TKTL1: variants seen among roughly 807,000 people sequenced by gnomAD.
TKTL1 encodes transketolase like 1, also known as transketolase-like protein 1.
Under a neutral mutation model 39.3 loss-of-function variants are expected in TKTL1, and 1 was observed. That is an observed-to-expected ratio of 0.03 (90% confidence interval 0.01 to 0.12). The LOEUF (loss-of-function observed/expected upper bound fraction) is 0.12. Ranked by LOEUF, TKTL1 falls within the 10% of genes least tolerant of loss-of-function variation. The pLI, the probability that TKTL1 is intolerant of heterozygous loss-of-function variation, is 1.00. For missense variants in TKTL1, 575 were observed against 509.6 expected, an observed-to-expected ratio of 1.13 and a Z score of -1.24; for synonymous variants, 262 against 193.8, an observed-to-expected ratio of 1.35 and a Z score of -2.92.
rs1223233989 is a variant in TKTL1 at position 154,323,230 on chromosome X, G to A, written c.1210G>A (p.Ala404Thr). The change falls in exon 9 of 13, where the codon GCC (alanine) becomes ACC (threonine). Residue 404 changes from alanine to threonine, a missense_variant. Coordinates refer to ENST00000369915, the MANE Select transcript of TKTL1 (RefSeq NM_012253.4). The part of the protein sequence containing the change: ...SVGDDGASQM[A>T]LEDIAMFRTI... ...AGGTGACGATGGTGCTTCCCAGATG[G>A]CCCTGGAGGATATAGCCATGTTCCG... The A allele has an allele frequency of 8.3e-7, 1 of 1,211,114 alleles. No homozygotes were observed.
intron 3 of TKTL1, among the ~76,000 whole-genome samples, chrX:154,310,146 A>T (rs1232253155): frequency 8.9e-6 from 1 of 111,946 alleles, no homozygotes; most frequent in Non-Finnish European, 1.9e-5. Flanking sequence ...TATTGTAAAT[A>T]AGTTGTAAGA....
chrX:154,329,785 A>G lies in TKTL1; in HGVS notation c.*97A>G. The G allele has an allele frequency of 9.9e-7, 1 of 1,013,248 alleles. No homozygotes were observed. The highest frequency in any genetic ancestry group is 3.1e-5 in the East Asian group (1 of 32,285). 83.5% of individuals were successfully genotyped at this position (1,013,248 alleles called of 1,213,427 possible). ...TCTCTACTGTCACATTTTGTTTCTT[A>G]AAAGCAAAGCCAGCTAACACCTTCA... On this transcript the variant is annotated 3_prime_UTR_variant, in exon 13 of 13. Coordinates refer to ENST00000369915, the MANE Select transcript of TKTL1 (RefSeq NM_012253.4).
At position 154,305,597 on chromosome X, in the gene TKTL1, A is replaced by G. The variant is rs782264283; in HGVS notation, c.252+176A>G. ...GGGCCACTTGGAGCCCTGTGATGGC[A>G]TGGTAGGAAGGGTGGCTTGGGAGAG... On this transcript the variant is annotated intron_variant, in intron 2 of 12. Transcript: ENST00000369915. Among the ~76,000 whole-genome samples the G allele has an allele frequency of 5.4e-5, 6 of 111,460 alleles. No homozygotes were observed. In the East Asian group the frequency reaches 8.4e-4, roughly 16 times the overall value.
chrX:154,329,555 A>G lies in TKTL1; in HGVS notation c.1658A>G (p.Asp553Gly). Residue 553 changes from aspartate to glycine, a missense_variant, in exon 13 of 13, where the codon GAT (aspartate) becomes GGT (glycine). Asp to Gly is a moderately conservative substitution (Grantham distance 94). Coordinates refer to ENST00000369915, the MANE Select transcript of TKTL1 (RefSeq NM_012253.4). ...GCTGTCTGCGCAGCCGTCTCCATGG[A>G]TCCTGACATTCAGGTTCATTCGCTG... is the stretch of plus-strand genomic sequence containing the variant. ...GEAVCAAVSM[D>G]PDIQVHSLAV... 8.3e-7 allele frequency: 1 copy of G among 1,211,933 alleles called. No individual in the cohort carries two copies. Among genetic ancestry groups the G allele is most frequent in the Non-Finnish European group, 1.1e-6 (1 of 895,512 alleles).
chrX:154,299,341 G>GACGGTGTTTC (rs2067255650), intron 1 of TKTL1, among the ~76,000 whole-genome samples: 1 of 108,057 alleles, frequency 9.3e-6, no homozygotes, highest in African/African-American at 3.4e-5. Flanking sequence ...TTTTAGTAGA[G>GACGGTGTTTC]ACGGTGTTTC....
rs1257270210 is a variant in TKTL1 at position 154,329,625 on chromosome X, G to A, written c.1728G>A (p.Leu576=). ...VPQSGKSEEL[L]DMYGISARHI... is the part of the protein sequence containing the mutation. ...AGAGTGGGAAGTCCGAGGAATTGCT[G>A]GATATGTATGGAATTAGTGCCAGAC... is the stretch of plus-strand genomic sequence containing the variant. Residue 576 remains leucine, a synonymous_variant, in exon 13 of 13, where the codon CTG becomes CTA. Coordinates refer to ENST00000369915, the MANE Select transcript of TKTL1 (RefSeq NM_012253.4). 7.4e-6 allele frequency: 9 copies of A among 1,210,201 alleles called. No individual in the cohort carries two copies. Among genetic ancestry groups the A allele is most frequent in the Non-Finnish European group, 8.9e-6 (8 of 895,153 alleles).
Position 154,320,864 on chromosome X carries a change from C to A in TKTL1, c.1137C>A (p.Leu379=), listed in dbSNP as rs935008904. 1.7e-6 allele frequency: 2 copies of A among 1,209,457 alleles called. No homozygotes were observed. Among genetic ancestry groups the A allele is most frequent in the Non-Finnish European group, 2.2e-6 (2 of 894,901 alleles). ...RAFDHIRIGG[L]AESNINIIGS... is the part of the protein sequence containing the mutation. ...TTGATCACATCCGGATAGGAGGCCT[C>A]GCTGAGAGCAACATCAACATTATTG... is the stretch of plus-strand genomic sequence containing the variant. Residue 379 remains leucine (L), a synonymous_variant, in exon 8 of 13, where the codon CTC becomes CTA. Transcript: ENST00000369915.
chrX:154,310,814 A>G (rs781878197), intron 3 of TKTL1, 22 bp from the exon 4 acceptor site: 2 of 1,199,467 alleles, frequency 1.7e-6, no homozygotes, highest in Middle Eastern at 2.3e-4. Context: ...CAGGGTCCTA[A>G]ACCTCTCTTG....
intron 7 of TKTL1, among the ~76,000 whole-genome samples, chrX:154,316,571 A>T (rs1414219306): frequency 9.1e-6 from 1 of 110,209 alleles, no homozygotes; most frequent in African/African-American, 3.3e-5. Context: ...AAGAATCAGG[A>T]GGTCTTATAT....
Position 154,329,545 on chromosome X carries a change from G to A in TKTL1, c.1648G>A (p.Val550Ile), listed in dbSNP as rs146609649. 8.8e-5 allele frequency: 107 copies of A among 1,210,092 alleles called. No homozygotes were observed. The highest frequency in any genetic ancestry group is 4.6e-4 in the Middle Eastern group (2 of 4,351). Residue 550 changes from valine to isoleucine, a missense_variant, in exon 13 of 13, where the codon GTC becomes ATC. Val to Ile is a conservative substitution (Grantham distance 29). Coordinates refer to ENST00000369915, the MANE Select transcript of TKTL1 (RefSeq NM_012253.4). Reference sequence around the variant, plus strand: ...CATCGGGGAAGCTGTCTGCGCAGCCGTCTCCATGGATCCTGACATTCAGGT... The same window carrying A: ...CATCGGGGAAGCTGTCTGCGCAGCCATCTCCATGGATCCTGACATTCAGGT... ...GGIGEAVCAA[V>I]SMDPDIQVHS...
At chrX:154,309,201 G>T in intron 2 of TKTL1, 144 bp from the exon 3 acceptor site, 1 of 517,053 alleles carries the variant, frequency 1.9e-6, no homozygotes, top group East Asian at 3.4e-5. Flanking sequence ...TGGGGAAGAG[G>T]AATTCACCCA....
intron 9 of TKTL1, among the ~76,000 whole-genome samples, chrX:154,324,498 T>C (rs991318296): frequency 1.8e-5 from 2 of 112,125 alleles, no homozygotes; most frequent in Admixed American, 9.5e-5. Flanking sequence ...TCACACGTTA[T>C]AGGGTTTCAT....
In TKTL1 at chrX:154,327,829, T is replaced by C; in HGVS notation, c.1499-10T>C. 1 of 1,211,729 alleles carries C rather than the reference T, an allele frequency of 8.3e-7. No homozygotes were observed. The highest frequency in any genetic ancestry group is 1.1e-6 in the Non-Finnish European group (1 of 895,410). On this transcript the variant is annotated splice_polypyrimidine_tract_variant and intron_variant, in intron 11 of 12. Coordinates refer to ENST00000369915, the MANE Select transcript of TKTL1 (RefSeq NM_012253.4). ...TTTCTTGTACCAAGCTGGTTTTTGC[T>C]GTTCTGCAGATATTTTTATCCGTGT...
chrX:154,322,389 A>T (rs980456424), intron 8 of TKTL1, among the ~76,000 whole-genome samples: 12 of 110,092 alleles, frequency 1.1e-4, no homozygotes, highest in African/African-American at 4.0e-4. Flanking sequence ...AAACTTAGCC[A>T]GACATGTTGG....
rs781902859 is a variant in TKTL1 at position 154,305,394 on chromosome X, G to A, written c.225G>A (p.Pro75=). The stretch of plus-strand genomic sequence containing the variant: ...ACAAGCAGTCAGATCCAGAGAATCC[G>A]GACAACGACCGATTTGTCCTCGCAA... The part of the protein sequence containing the change: ...MRYKQSDPEN[P]DNDRFVLAKR... The change falls in exon 2 of 13, where the codon CCG becomes CCA. Residue 75 remains proline, a synonymous_variant. Transcript: ENST00000369915. The A allele has an allele frequency of 8.5e-5, 103 of 1,208,325 alleles. 1 individual carries two copies. Among genetic ancestry groups the A allele is most frequent in the Non-Finnish European group, 9.2e-5 (82 of 894,049 alleles).
chrX:154,295,991 C>T lies in TKTL1; in HGVS notation c.132C>T (p.Ser44=), dbSNP rs782650273. Residue 44 remains serine, a splice_region_variant and synonymous_variant, in exon 1 of 13, where the codon TCC becomes TCT. Coordinates refer to ENST00000369915, the MANE Select transcript of TKTL1 (RefSeq NM_012253.4). ...TCAGGGCCACATGCTCCACGAGCTC[C>T]GGGTAAGTTCTCCTCATTGAAGTCT... The part of the protein sequence containing the change: ...HSIRATCSTS[S]GHPTSCSSSS... 1.7e-6 allele frequency: 2 copies of T among 1,210,607 alleles called. No homozygotes were observed. The highest frequency in any genetic ancestry group is 1.8e-5 in the South Asian group (1 of 56,825).
intron 1 of TKTL1, among the ~76,000 whole-genome samples, chrX:154,297,497 C>G (rs945211298): frequency 9.0e-6 from 1 of 111,106 alleles, no homozygotes; most frequent in African/African-American, 3.3e-5. Flanking sequence ...ACCTCGTGAT[C>G]CGCCCGCCTC....
chrX:154,296,113 G>A (rs782358130), intron 1 of TKTL1, 120 bp downstream of exon 1: 21 of 955,418 alleles, frequency 2.2e-5, no homozygotes, highest in South Asian at 4.6e-5. Flanking sequence ...GGGCTGTGTC[G>A]TAATGCCCTG....
chrX:154,302,948 T>G (rs2067285071), intron 1 of TKTL1, among the ~76,000 whole-genome samples: 1 of 110,485 alleles, frequency 9.1e-6, no homozygotes, highest in African/African-American at 3.3e-5. Context: ...GCGAGGGCGA[T>G]CCTCCCCTAG....
Sources: gnomAD v4.1 joint callset for allele counts (sites outside exome capture counted in the v4.1 genomes callset) on GRCh38, gnomAD v4.1.1 for gene constraint, MANE v1.5 for transcripts, NCBI Gene and HGNC (gene_info 2026-07-23, HGNC 2026-07-21) for gene names.